DISP1: variants seen among roughly 807,000 people sequenced by gnomAD.
DISP1 encodes dispatched RND transporter family member 1.
DISP1 carries 30 observed loss-of-function variants against 37.3 expected under a neutral mutation model. The ratio of observed to expected loss-of-function variants is 0.80; its 90% CI spans 0.60 to 1.09. DISP1 has a LOEUF of 1.09. Ranked by LOEUF, DISP1 falls within the 50% of genes least tolerant of loss-of-function variation. The probability of loss-of-function intolerance (pLI) is 0.00; values close to 1 mark genes in which losing one functional copy is unlikely to be tolerated. For missense variants in DISP1, 1,598 were observed against 1,879.5 expected (o/e 0.85, Z 2.77); for synonymous variants, 634 against 690.2 (o/e 0.92, Z 1.28).
intron 3 of DISP1, among the ~76,000 whole-genome samples, chr1:222,959,681 C>T (rs1272040090): frequency 2.4e-5 from 2 of 82,444 alleles, no homozygotes; most frequent in Non-Finnish European, 5.1e-5. Context: ...GCCTGGGCAA[C>T]AAGAGCAAAA....
chr1:222,925,288 T>C (rs1373855964), intron 1 of DISP1, among the ~76,000 whole-genome samples: 1 of 152,164 alleles, frequency 6.6e-6, no homozygotes, highest in Non-Finnish European at 1.5e-5. Context: ...TGACACTATA[T>C]TTAATTTAAG....
chr1:222,871,640 A>T (rs569819164), intron 1 of DISP1, among the ~76,000 whole-genome samples: 8 of 152,372 alleles, frequency 5.3e-5, no homozygotes, highest in Non-Finnish European at 5.9e-5. Context: ...TTGATTTTGC[A>T]TCCTGAGACT....
intron 1 of DISP1, among the ~76,000 whole-genome samples, chr1:222,816,877 TTAAG>T (rs1306694184): frequency 1.3e-5 from 2 of 151,202 alleles, no homozygotes; most frequent in Admixed American, 6.6e-5. Context: ...TCTTATTTGT[TTAAG>T]TAGACAATAT....
intron 1 of DISP1, among the ~76,000 whole-genome samples, chr1:222,904,699 C>T (rs917482268): frequency 1.4e-4 from 21 of 151,860 alleles, no homozygotes; most frequent in African/African-American, 5.1e-4. Flanking sequence ...TCCTGAGTAA[C>T]TGGGACTACA....
chr1:223,005,725 T>C lies in DISP1; in HGVS notation c.4328T>C (p.Leu1443Ser). 1 of 1,614,066 alleles carries C rather than the reference T, an allele frequency of 6.2e-7. No homozygotes were observed. Among genetic ancestry groups the C allele is most frequent in the South Asian group, 1.1e-5 (1 of 91,080 alleles). Residue 1443 changes from leucine to serine, a missense_variant, in exon 9 of 9, where the codon TTG (leucine) becomes TCG (serine). Physicochemically the swap from Leu to Ser is moderately radical, Grantham distance 145. Coordinates refer to ENST00000675850, the MANE Select transcript of DISP1 (RefSeq NM_001377229.1). ...GCAGGAGGGAAAGTGGAGCTGAGCT[T>C]GTCACAGACGGATGCAAGTGTGAAC... ...NKAGGKVELS[L>S]SQTDASVNSE...
chr1:222,964,546 G>T (rs1337367548), intron 3 of DISP1, among the ~76,000 whole-genome samples: 1 of 152,128 alleles, frequency 6.6e-6, no homozygotes, highest in Non-Finnish European at 1.5e-5. Context: ...TCAGTCCTGA[G>T]ATCATAGAAC....
chr1:222,820,444 C>T (rs1662557293), intron 1 of DISP1, among the ~76,000 whole-genome samples: 1 of 152,110 alleles, frequency 6.6e-6, no homozygotes, highest in African/African-American at 2.4e-5. Flanking sequence ...AGAGAAGTTA[C>T]TGAGAGGGCT....
chr1:222,969,740 A>C (rs1028747229), intron 3 of DISP1, among the ~76,000 whole-genome samples: 4 of 152,034 alleles, frequency 2.6e-5, no homozygotes, highest in African/African-American at 9.7e-5. Context: ...ATTTAGGCAA[A>C]AAGGAAAAAT....
At chr1:222,983,195 C>A in intron 4 of DISP1, 86 bp downstream of exon 4, 1 of 1,048,076 alleles carries the variant, frequency 9.5e-7, no homozygotes, top group Non-Finnish European at 1.5e-6. Flanking sequence ...TTTTGCTGTT[C>A]TTTTCACTTT....
At chr1:222,865,572 A>AT (rs1368778118) in intron 1 of DISP1, among the ~76,000 whole-genome samples, 3 of 152,212 alleles carry the variant, frequency 2.0e-5, no homozygotes, top group Non-Finnish European at 4.4e-5. Context: ...CTAGATTAAA[A>AT]TTTTAAAAGC....
At chr1:222,842,597 G>A (rs1185814943) in intron 1 of DISP1, among the ~76,000 whole-genome samples, 3 of 152,020 alleles carry the variant, frequency 2.0e-5, no homozygotes, top group Non-Finnish European at 4.4e-5. Context: ...GAGATGGCTT[G>A]CTGGAATATG....
chr1:222,843,866 A>G (rs755490947), intron 1 of DISP1, among the ~76,000 whole-genome samples: 4 of 152,122 alleles, frequency 2.6e-5, no homozygotes, highest in Admixed American at 1.3e-4. Flanking sequence ...AAAAGACGCA[A>G]AAGCCCCAGA....
At chr1:222,943,631 A>T (rs1263004361) in intron 3 of DISP1, 5 of 447,516 alleles carry the variant, frequency 1.1e-5, no homozygotes, top group African/African-American at 9.9e-5. Context: ...TATTGTTAGC[A>T]ATTTCTGTTA....
At chr1:222,841,141 G>A (rs1337709089) in intron 1 of DISP1, among the ~76,000 whole-genome samples, 1 of 152,086 alleles carries the variant, frequency 6.6e-6, no homozygotes, top group Non-Finnish European at 1.5e-5. Flanking sequence ...ATGCTAATTA[G>A]TGTAGTACAT....
intron 3 of DISP1, among the ~76,000 whole-genome samples, chr1:222,945,310 G>A (rs1237195679): frequency 6.7e-6 from 1 of 150,072 alleles, no homozygotes; most frequent in African/African-American, 2.4e-5. Flanking sequence ...TAGAAGATTT[G>A]TCCTGACCAC....
chr1:222,896,026 G>A (rs1671234781), intron 1 of DISP1, among the ~76,000 whole-genome samples: 1 of 152,168 alleles, frequency 6.6e-6, no homozygotes, highest in African/African-American at 2.4e-5. Context: ...AAAAAGCGAG[G>A]CTACAAGGTG....
chr1:222,926,651 G>A (rs1295576349), intron 1 of DISP1, among the ~76,000 whole-genome samples: 2 of 152,016 alleles, frequency 1.3e-5, no homozygotes, highest in Non-Finnish European at 2.9e-5. Flanking sequence ...GCCTAACAGC[G>A]CCATAACTCA....
chr1:222,951,215 C>T (rs900299333), intron 3 of DISP1, among the ~76,000 whole-genome samples: 1 of 152,132 alleles, frequency 6.6e-6, no homozygotes, highest in Admixed American at 6.6e-5. Context: ...CCCTGCCACC[C>T]CCATATGTTA....
At chr1:222,830,743 C>T (rs1665539336) in intron 1 of DISP1, among the ~76,000 whole-genome samples, 1 of 152,182 alleles carries the variant, frequency 6.6e-6, no homozygotes. Flanking sequence ...TTTGGTTGGT[C>T]TTCCCAACAC....
Sources: gnomAD v4.1 joint callset for allele counts (sites outside exome capture counted in the v4.1 genomes callset) on GRCh38, gnomAD v4.1.1 for gene constraint, MANE v1.5 for transcripts, NCBI Gene and HGNC (gene_info 2026-07-23, HGNC 2026-07-21) for gene names.